PDSS2: variants seen among roughly 807,000 people sequenced by gnomAD.
The protein encoded by PDSS2 is decaprenyl diphosphate synthase subunit 2, also known as all trans-polyprenyl-diphosphate synthase PDSS2.
A neutral mutation model predicts 44.5 loss-of-function variants in PDSS2; 31 were observed. The ratio of observed to expected loss-of-function variants is 0.70; its 90% CI spans 0.52 to 0.94. PDSS2 has a LOEUF of 0.94. Among genes scored for constraint, PDSS2 ranks in the 40% least tolerant of loss-of-function variants. The pLI is 0.00. For missense variants in PDSS2, 452 were observed against 482.2 expected (o/e 0.94, Z 0.59); for synonymous variants, 157 against 180.3 (o/e 0.87, Z 1.03).
intron 6 of PDSS2, among the ~76,000 whole-genome samples, chr6:107,202,325 C>T (rs1772811034): frequency 6.6e-6 from 1 of 152,058 alleles, no homozygotes; most frequent in Admixed American, 6.6e-5. Flanking sequence ...AGGCATGAGC[C>T]ACTGCACCCA....
chr6:107,160,407 TG>T (rs1354396814), intron 7 of PDSS2, among the ~76,000 whole-genome samples: 1 of 152,012 alleles, frequency 6.6e-6, no homozygotes, highest in Non-Finnish European at 1.5e-5. Flanking sequence ...AGTGCAGTGG[TG>T]GATCATGATG....
intron 2 of PDSS2, among the ~76,000 whole-genome samples, chr6:107,301,365 CCATT>C (rs759120889): frequency 6.6e-6 from 1 of 151,926 alleles, no homozygotes; most frequent in East Asian, 1.9e-4. Context: ...TATGTATTTC[CCATT>C]CAAAGTAACT....
chr6:107,340,015 C>A (rs1778031070), intron 1 of PDSS2, among the ~76,000 whole-genome samples: 1 of 149,710 alleles, frequency 6.7e-6, no homozygotes, highest in Non-Finnish European at 1.5e-5. Context: ...ATGAGGAACC[C>A]AATTAGGAAA....
At chr6:107,316,630 G>A (rs1050103137) in intron 2 of PDSS2, among the ~76,000 whole-genome samples, 3 of 151,402 alleles carry the variant, frequency 2.0e-5, no homozygotes, top group South Asian at 2.1e-4. Flanking sequence ...TCTTTTTTTC[G>A]TGAATATTGG....
At chr6:107,251,527 T>C (rs1774818032) in intron 3 of PDSS2, among the ~76,000 whole-genome samples, 1 of 152,218 alleles carries the variant, frequency 6.6e-6, no homozygotes, top group Non-Finnish European at 1.5e-5. Context: ...GCAGTGCTGA[T>C]GGCATTAACT....
intron 7 of PDSS2, among the ~76,000 whole-genome samples, chr6:107,163,644 C>T (rs1465983111): frequency 2.6e-5 from 4 of 151,550 alleles, no homozygotes; most frequent in Non-Finnish European, 5.9e-5. Flanking sequence ...GCTCTGTCAC[C>T]CAGGCTGGAG....
At chr6:107,254,142 T>A (rs982200253) in intron 3 of PDSS2, among the ~76,000 whole-genome samples, 1 of 151,364 alleles carries the variant, frequency 6.6e-6, no homozygotes, top group African/African-American at 2.4e-5. Context: ...CAAGTGATTC[T>A]CCTGCCTCAG....
intron 1 of PDSS2, among the ~76,000 whole-genome samples, chr6:107,344,542 G>A (rs1335020200): frequency 6.6e-6 from 1 of 152,076 alleles, no homozygotes; most frequent in East Asian, 1.9e-4. Flanking sequence ...TTAAATCCTC[G>A]AGGGACAGCA....
At chr6:107,206,336 T>C (rs1772976776) in intron 6 of PDSS2, among the ~76,000 whole-genome samples, 1 of 152,208 alleles carries the variant, frequency 6.6e-6, no homozygotes, top group Non-Finnish European at 1.5e-5. Context: ...CCTCCCAAAG[T>C]GCTGGGATTA....
chr6:107,187,396 G>A (rs983327122), intron 7 of PDSS2, among the ~76,000 whole-genome samples: 29 of 152,202 alleles, frequency 1.9e-4, no homozygotes, highest in Admixed American at 5.9e-4. Flanking sequence ...CCGGTGTGGT[G>A]GCTCACGCCT....
intron 2 of PDSS2, among the ~76,000 whole-genome samples, chr6:107,315,334 C>T (rs937071112): frequency 2.0e-5 from 3 of 152,156 alleles, no homozygotes; most frequent in Non-Finnish European, 4.4e-5. Context: ...AACTGGTTAA[C>T]AGCATCTGAA....
rs141961718 is a variant in PDSS2, at chr6:107,239,344, G to T, written c.702+6204C>A. The stretch of plus-strand genomic sequence containing the variant: ...GTAAATGCCCCCAAAATGTGAAATT[G>T]TTCAGTAAATTACAGTATAACAATG... On this transcript the variant is annotated intron_variant, in intron 4 of 7. Coordinates refer to ENST00000369037, the MANE Select transcript of PDSS2 (RefSeq NM_020381.4). Among the ~76,000 whole-genome samples the T allele has an allele frequency of 1.2e-4, 19 of 152,174 alleles. No individual in the cohort carries two copies. In the East Asian group the frequency reaches 3.5e-3, roughly 28 times the overall value.
chr6:107,195,728 T>A (rs1772536532), intron 6 of PDSS2, among the ~76,000 whole-genome samples: 1 of 135,766 alleles, frequency 7.4e-6, no homozygotes, highest in African/African-American at 2.8e-5. Context: ...CCCGGCTAAT[T>A]TTTGTATTTT....
intron 3 of PDSS2, chr6:107,264,277 A>T: frequency 1.4e-6 from 2 of 1,381,126 alleles, no homozygotes; most frequent in South Asian, 1.9e-5. Context: ...AAAATACTTC[A>T]TTTTAAACAA....
intron 1 of PDSS2, among the ~76,000 whole-genome samples, chr6:107,408,760 T>C (rs1191747616): frequency 6.6e-6 from 1 of 152,182 alleles, no homozygotes; most frequent in East Asian, 1.9e-4. Context: ...CAAAAGAGGC[T>C]AGAAATTTAG....
chr6:107,309,411 T>C (rs1776962122), intron 2 of PDSS2, among the ~76,000 whole-genome samples: 1 of 152,214 alleles, frequency 6.6e-6, no homozygotes. Context: ...CAAGAGGTGA[T>C]ACAGACAACA....
Position 107,167,277 on chromosome 6 carries a change from T to C in PDSS2, c.1042-12500A>G, listed in dbSNP as rs186211345. Among the ~76,000 whole-genome samples, 1,434 of 152,310 alleles carry C rather than the reference T, an allele frequency of 9.4e-3. 17 individuals are homozygous for C. The highest frequency in any genetic ancestry group is 0.032 in the African/African-American group (1,327 of 41,568). ...TAGTTTATTTGCATAGAGGTGTTTA[T>C]AGTATTCTCTGATGGTAGTTTGTAT... On this transcript the variant is annotated intron_variant, in intron 7 of 7. Coordinates refer to ENST00000369037, the MANE Select transcript of PDSS2 (RefSeq NM_020381.4).
At chr6:107,334,069 T>C (rs1192796138) in intron 2 of PDSS2, 129 bp downstream of exon 2, 4 of 879,320 alleles carry the variant, frequency 4.5e-6, no homozygotes, top group Non-Finnish European at 7.3e-6. Flanking sequence ...TAAAAATCCA[T>C]TTTTAACCTT....
chr6:107,181,259 G>T (rs1282096174), intron 7 of PDSS2, among the ~76,000 whole-genome samples: 1 of 152,218 alleles, frequency 6.6e-6, no homozygotes, highest in Non-Finnish European at 1.5e-5. Flanking sequence ...TTGGGGCCGG[G>T]CGCAGTGGCT....
Sources: gnomAD v4.1 joint callset for allele counts (sites outside exome capture counted in the v4.1 genomes callset) on GRCh38, gnomAD v4.1.1 for gene constraint, MANE v1.5 for transcripts, NCBI Gene and HGNC (gene_info 2026-07-23, HGNC 2026-07-21) for gene names.